Variants in LZTFL1 observed in about 807,000 individuals in gnomAD.
LZTFL1 encodes the protein leucine zipper transcription factor-like protein 1.
A neutral mutation model predicts 45.9 loss-of-function variants in LZTFL1; 25 were observed. The ratio of observed to expected loss-of-function variants is 0.54; its 90% CI spans 0.40 to 0.76. The LOEUF is 0.76. Ranked by LOEUF, LZTFL1 falls within the 30% of genes least tolerant of loss-of-function variation. The pLI, the probability that LZTFL1 is intolerant of heterozygous loss-of-function variation, is 0.00. For missense variants in LZTFL1, 277 were observed against 331.1 expected (o/e 0.84, Z 1.27); for synonymous variants, 93 against 117.4 (o/e 0.79, Z 1.35).
intron 1 of LZTFL1, chr3:45,915,285 T>C: frequency 3.5e-6 from 1 of 289,144 alleles, no homozygotes; most frequent in Non-Finnish European, 7.1e-6. Context: ...GGAGGCCCTT[T>C]CTGTTACCCC....
At chr3:45,835,065 T>G (rs1305500036) in intron 3 of LZTFL1, 1 of 152,848 alleles carries the variant, frequency 6.5e-6, no homozygotes, top group East Asian at 1.9e-4. Flanking sequence ...GAGTTTCAAC[T>G]TCACCAATTT....
chr3:45,838,681 G>A (rs975390071), intron 1 of LZTFL1, among the ~76,000 whole-genome samples: 8 of 152,230 alleles, frequency 5.3e-5, no homozygotes, highest in Admixed American at 3.3e-4. Flanking sequence ...TAAGAGGCAA[G>A]CCCATGGAGG....
rs1009242734 is a variant in LZTFL1 at position 45,909,340 on chromosome 3, G to A, written c.-215+3780C>T. Among the ~76,000 whole-genome samples, 7 of 152,162 alleles carry A rather than the reference G, an allele frequency of 4.6e-5. No individual in the cohort carries two copies. In the East Asian group the frequency reaches 1.2e-3, roughly 25 times the overall value. The stretch of plus-strand genomic sequence containing the variant: ...CAAAACTGGTCCCTGGTGTCAAAAA[G>A]GTTGGGGACCGCTGGTATAATGAAG... On this transcript the variant is annotated intron_variant, in intron 2 of 4. Coordinates refer to the LZTFL1 transcript ENST00000472635.
At chr3:45,850,021 A>G (rs745807423) in intron 4 of LZTFL1, among the ~76,000 whole-genome samples, 1 of 152,208 alleles carries the variant, frequency 6.6e-6, no homozygotes, top group Non-Finnish European at 1.5e-5. Context: ...CCACATAAGA[A>G]GGTTCTATTT....
intron 2 of LZTFL1, among the ~76,000 whole-genome samples, chr3:45,892,096 G>C (rs1702196386): frequency 6.6e-6 from 1 of 152,084 alleles, no homozygotes; most frequent in South Asian, 2.1e-4. Flanking sequence ...CCAAGATCAG[G>C]GCACTAGGTG....
At chr3:45,827,319 G>A (rs754519232) in intron 9 of LZTFL1, 37 bp downstream of exon 9, 4 of 1,423,934 alleles carry the variant, frequency 2.8e-6, no homozygotes, top group Non-Finnish European at 4.0e-6. Context: ...CATCAATCCA[G>A]AGAGAGAAAT....
chr3:45,848,020 T>G (rs1217869491), intron 4 of LZTFL1, among the ~76,000 whole-genome samples: 2 of 152,234 alleles, frequency 1.3e-5, no homozygotes, highest in Non-Finnish European at 2.9e-5. Flanking sequence ...CAAACCTCTT[T>G]CTAAAATTAT....
At chr3:45,826,921 C>G (rs1700683364) in intron 9 of LZTFL1, among the ~76,000 whole-genome samples, 1 of 152,250 alleles carries the variant, frequency 6.6e-6, no homozygotes, top group Non-Finnish European at 1.5e-5. Context: ...ACACGGACTT[C>G]TAAGCCAAGC....
chr3:45,825,220 G>A lies in LZTFL1; in HGVS notation c.*1094C>T. The A allele has an allele frequency of 1.2e-5, 3 of 242,308 alleles. No individual in the cohort carries two copies. The highest frequency in any genetic ancestry group is 1.6e-5 in the Non-Finnish European group (2 of 127,844). 15.0% of individuals were successfully genotyped at this position (242,308 alleles called of 1,614,324 possible). On this transcript the variant is annotated 3_prime_UTR_variant, in exon 10 of 10. Transcript: ENST00000296135. ...GGGTGTGATACTCTCACTTTTAGAA[G>A]CAGGAAAAATTACTAAATATTAATA...
At position 45,826,213 on chromosome 3, in the gene LZTFL1, A is replaced by G. The variant is rs1404922631; in HGVS notation, c.*101T>C. The G allele has an allele frequency of 2.0e-6, 2 of 986,356 alleles. No individual in the cohort carries two copies. Among genetic ancestry groups the G allele is most frequent in the Non-Finnish European group, 3.1e-6 (2 of 635,886 alleles). 61.1% of individuals were successfully genotyped at this position (986,356 alleles called of 1,614,324 possible). A position where few individuals can be genotyped will look rare whatever the true frequency, so the allele number is the denominator to read the frequency against. ...TATTCAAAGTCTAAATATTAGAAAA[A>G]TAAGGAGAGGGGATATGACAAAATG... is the stretch of plus-strand genomic sequence containing the variant. On this transcript the variant is annotated 3_prime_UTR_variant, in exon 10 of 10. Coordinates refer to ENST00000296135, the MANE Select transcript of LZTFL1 (RefSeq NM_020347.4).
At chr3:45,887,247 GTGTC>G (rs1450873964) in intron 2 of LZTFL1, among the ~76,000 whole-genome samples, 9 of 122,436 alleles carry the variant, frequency 7.4e-5, no homozygotes, top group African/African-American at 2.7e-4. Context: ...AAGTGCGTGT[GTGTC>G]TGTGTGTGTG....
intron 2 of LZTFL1, among the ~76,000 whole-genome samples, chr3:45,894,018 G>T (rs1433621092): frequency 6.6e-6 from 1 of 152,170 alleles, no homozygotes; most frequent in African/African-American, 2.4e-5. Context: ...GAGAACCTTG[G>T]GGTGTGATGC....
intron 2 of LZTFL1, among the ~76,000 whole-genome samples, chr3:45,906,368 G>A (rs1702678896): frequency 6.6e-6 from 1 of 152,174 alleles, no homozygotes; most frequent in Non-Finnish European, 1.5e-5. Flanking sequence ...GGAAGGAGCT[G>A]AGCCTCAGAG....
chr3:45,910,916 G>T (rs749582532), intron 2 of LZTFL1, among the ~76,000 whole-genome samples: 14 of 152,178 alleles, frequency 9.2e-5, no homozygotes, highest in Non-Finnish European at 1.9e-4. Flanking sequence ...TTAGATATTG[G>T]CTGGGGCTGT....
intron 2 of LZTFL1, among the ~76,000 whole-genome samples, chr3:45,897,880 G>A (rs1418169551): frequency 6.6e-6 from 1 of 150,542 alleles, no homozygotes; most frequent in Non-Finnish European, 1.5e-5. Flanking sequence ...ACTCCAGGCA[G>A]CAAGACCCCT....
chr3:45,909,375 C>G (rs1702745472), intron 2 of LZTFL1, among the ~76,000 whole-genome samples: 1 of 152,200 alleles, frequency 6.6e-6, no homozygotes, highest in Non-Finnish European at 1.5e-5. Context: ...GATGCACATA[C>G]CCCTCACCCA....
intron 9 of LZTFL1, chr3:45,827,084 T>G: frequency 7.6e-6 from 3 of 393,152 alleles, no homozygotes. Context: ...GTGTTTCCTG[T>G]CTGACATCCT....
chr3:45,895,486 G>A (rs1362608339), intron 2 of LZTFL1, among the ~76,000 whole-genome samples: 3 of 152,180 alleles, frequency 2.0e-5, no homozygotes, highest in Non-Finnish European at 2.9e-5. Context: ...AGAGGCGGGC[G>A]GATCACCTGG....
intron 2 of LZTFL1, among the ~76,000 whole-genome samples, chr3:45,864,864 G>A (rs9856760): frequency 0.79 from 120,416 of 152,156 alleles, 47,988 homozygotes; most frequent in East Asian, 0.99. Context: ...GAAACTCCCA[G>A]TTTTACTCAT....
Sources: allele counts gnomAD v4.1 joint callset (sites outside exome capture counted in the v4.1 genomes callset), GRCh38; gene constraint gnomAD v4.1.1; transcripts MANE v1.5; gene names NCBI Gene and HGNC (gene_info 2026-07-23, HGNC 2026-07-21).